FOXP2: variants seen among roughly 807,000 people sequenced by gnomAD.
The protein encoded by FOXP2 is forkhead box protein P2.
Under a neutral mutation model 115.8 loss-of-function variants are expected in FOXP2, and 12 were observed. The ratio of observed to expected loss-of-function variants is 0.10; its 90% CI spans 0.07 to 0.17. The LOEUF is 0.17. Ranked by LOEUF, FOXP2 falls within the 10% of genes least tolerant of loss-of-function variation. FOXP2 has a pLI of 1.00. For synonymous variants in FOXP2, 328 were observed against 297.7 expected, an observed-to-expected ratio of 1.10 and a Z score of -1.05; for missense variants, 629 against 843.5, an observed-to-expected ratio of 0.75 and a Z score of 3.15.
intron 2 of FOXP2, among the ~76,000 whole-genome samples, chr7:114,483,872 A>G (rs927431594): frequency 6.6e-6 from 1 of 151,774 alleles, no homozygotes; most frequent in Non-Finnish European, 1.5e-5. Flanking sequence ...TTAAAGAATA[A>G]TAAAGCAGTC....
chr7:114,216,583 T>C (rs2129162846), intron 1 of FOXP2, among the ~76,000 whole-genome samples: 1 of 152,284 alleles, frequency 6.6e-6, no homozygotes, highest in South Asian at 2.1e-4. Flanking sequence ...TAGAGAATTT[T>C]GAACACATTT....
In FOXP2 at chr7:114,663,471, T is replaced by C; in HGVS notation, c.1791T>C (p.Asn597=). The part of the protein sequence containing the change: ...KITGSPTLVK[N]IPTSLGYGAA... ...TCAGAAGTCCAACCTTAGTAAAAAA[T>C]ATACCTACCAGTTTAGGCTATGGAG... The change falls in exon 15 of 17, where the codon AAT becomes AAC. Residue 597 remains asparagine (N), a synonymous_variant. Coordinates refer to ENST00000350908, the MANE Select transcript of FOXP2 (RefSeq NM_014491.4). 1 of 1,610,812 alleles carries C rather than the reference T, an allele frequency of 6.2e-7. No individual in the cohort carries two copies. The highest frequency in any genetic ancestry group is 1.1e-5 in the South Asian group (1 of 90,874).
intron 1 of FOXP2, among the ~76,000 whole-genome samples, chr7:114,231,705 T>A (rs1253932602): frequency 6.6e-6 from 1 of 152,144 alleles, no homozygotes; most frequent in Admixed American, 6.5e-5. Flanking sequence ...ATACCATACA[T>A]AAACATCAAT....
chr7:114,506,242 G>T (rs999330893), intron 2 of FOXP2, among the ~76,000 whole-genome samples: 1 of 151,634 alleles, frequency 6.6e-6, no homozygotes, highest in Admixed American at 6.6e-5. Flanking sequence ...CTTATACATT[G>T]CTATATGAAC....
chr7:114,168,927 G>T (rs1367250737), intron 1 of FOXP2, among the ~76,000 whole-genome samples: 1 of 152,220 alleles, frequency 6.6e-6, no homozygotes, highest in African/African-American at 2.4e-5. Flanking sequence ...TGGCTTCCGA[G>T]GGTTCAAGCC....
chr7:114,477,520 T>C (rs1027477827), intron 2 of FOXP2, among the ~76,000 whole-genome samples: 3 of 151,836 alleles, frequency 2.0e-5, no homozygotes, highest in African/African-American at 2.4e-5. Context: ...TGGGTGTGGG[T>C]TGAAAAATTA....
chr7:114,504,814 CT>C (rs1192023027), intron 2 of FOXP2, among the ~76,000 whole-genome samples: 3 of 151,568 alleles, frequency 2.0e-5, no homozygotes, highest in Non-Finnish European at 4.4e-5. Flanking sequence ...CTTTGTGACC[CT>C]TTCTTTTCCC....
intron 1 of FOXP2, among the ~76,000 whole-genome samples, chr7:114,219,410 C>T (rs951400391): frequency 2.0e-5 from 3 of 152,052 alleles, no homozygotes; most frequent in Non-Finnish European, 4.4e-5. Flanking sequence ...ACAGTATTAA[C>T]ATTTTAATAT....
intron 6 of FOXP2, 122 bp downstream of exon 6, chr7:114,631,827 G>T: frequency 1.0e-6 from 1 of 990,356 alleles, no homozygotes; most frequent in Non-Finnish European, 1.5e-6. Flanking sequence ...TTATTAAAAC[G>T]TGATTGTTAA....
chr7:114,234,157 T>A (rs1244902124), intron 1 of FOXP2, among the ~76,000 whole-genome samples: 1 of 152,210 alleles, frequency 6.6e-6, no homozygotes. Context: ...CTCATTTATA[T>A]GATGGGAAAA....
At chr7:114,298,841 C>T (rs936953114) in intron 2 of FOXP2, among the ~76,000 whole-genome samples, 5 of 152,074 alleles carry the variant, frequency 3.3e-5, no homozygotes, top group East Asian at 1.9e-4. Context: ...CCAACATAGT[C>T]GAAATCAGTT....
At chr7:114,482,767 G>C (rs1355786954) in intron 2 of FOXP2, among the ~76,000 whole-genome samples, 2 of 151,490 alleles carry the variant, frequency 1.3e-5, no homozygotes, top group African/African-American at 2.4e-5. Context: ...AAAAAAGAAA[G>C]GTAAAACAAT....
intron 3 of FOXP2, among the ~76,000 whole-genome samples, chr7:114,539,300 T>C (rs1414101757): frequency 6.6e-6 from 1 of 151,930 alleles, no homozygotes; most frequent in East Asian, 1.9e-4. Flanking sequence ...TTTATTTATG[T>C]AGCGATAAAG....
intron 1 of FOXP2, among the ~76,000 whole-genome samples, chr7:114,282,203 G>C (rs561545794): frequency 6.6e-6 from 1 of 152,134 alleles, no homozygotes; most frequent in Non-Finnish European, 1.5e-5. Context: ...TTAGATCTGC[G>C]TCATAGCTTT....
intron 3 of FOXP2, among the ~76,000 whole-genome samples, chr7:114,584,582 T>C (rs947841926): frequency 6.6e-6 from 1 of 152,226 alleles, no homozygotes; most frequent in African/African-American, 2.4e-5. Context: ...CTTTAGTCTA[T>C]GCTACTTCTC....
intron 2 of FOXP2, among the ~76,000 whole-genome samples, chr7:114,430,391 A>C (rs138496185): frequency 1.3e-5 from 2 of 151,892 alleles, no homozygotes; most frequent in East Asian, 3.9e-4. Context: ...CAAAAAGAGA[A>C]TATATCTTGA....
intron 1 of FOXP2, among the ~76,000 whole-genome samples, chr7:114,113,554 T>C (rs1791328687): frequency 6.6e-6 from 1 of 152,024 alleles, no homozygotes; most frequent in Admixed American, 6.6e-5. Flanking sequence ...AAATTTTTTG[T>C]AGGGACGGCC....
chr7:114,407,261 G>T (rs1007599444), intron 2 of FOXP2, among the ~76,000 whole-genome samples: 2 of 151,946 alleles, frequency 1.3e-5, no homozygotes, highest in African/African-American at 2.4e-5. Context: ...GTTTAGTGAT[G>T]TCTAAAAGAT....
At chr7:114,290,346 G>A (rs1796562645) in intron 2 of FOXP2, among the ~76,000 whole-genome samples, 1 of 152,066 alleles carries the variant, frequency 6.6e-6, no homozygotes, top group African/African-American at 2.4e-5. Context: ...GTGGGTAAAT[G>A]CATAGTTAGG....
Sources: gnomAD v4.1 joint callset for allele counts (sites outside exome capture counted in the v4.1 genomes callset) on GRCh38, gnomAD v4.1.1 for gene constraint, MANE v1.5 for transcripts, NCBI Gene and HGNC (gene_info 2026-07-23, HGNC 2026-07-21) for gene names.